AGPAT4: variants seen among roughly 807,000 people sequenced by gnomAD.
The protein encoded by AGPAT4 is 1-acyl-sn-glycerol-3-phosphate acyltransferase delta.
A neutral mutation model predicts 48.0 loss-of-function variants in AGPAT4; 15 were observed. That is an observed-to-expected ratio of 0.31 (90% CI 0.21 to 0.48). The LOEUF is 0.48. Among genes scored for constraint, AGPAT4 ranks in the 20% least tolerant of loss-of-function variants. AGPAT4 has a pLI of 0.99. For missense variants in AGPAT4, 314 were observed against 482.5 expected (o/e 0.65, Z 3.27); for synonymous variants, 178 against 198.7 (o/e 0.90, Z 0.88).
chr6:161,267,539 C>T lies in AGPAT4; in HGVS notation c.-90+6399G>A, dbSNP rs887827198. ...GACCAGCCTGGCCAACATGGGGAAA[C>T]CCTGTCTCTACTAAAAATACACACG... On this transcript the variant is annotated intron_variant, in intron 1 of 8. Coordinates refer to ENST00000320285, the MANE Select transcript of AGPAT4 (RefSeq NM_020133.3). The surrounding 1 kb of genome is among the most constrained non-coding windows in gnomAD (Gnocchi z 5.2). 3.9e-5 allele frequency among the ~76,000 whole-genome samples: 6 copies of T among 152,020 alleles called. No homozygotes were observed. The highest frequency in any genetic ancestry group is 7.4e-5 in the Non-Finnish European group (5 of 68,008).
chr6:161,166,201 G>T lies in AGPAT4; in HGVS notation c.348+47C>A. Reference sequence around the variant, plus strand: ...GAGCAAAAAGACAAGTGGTGGGGCTGAACCAGAGAAATGTGTGAGGCAGGG... The same window carrying T: ...GAGCAAAAAGACAAGTGGTGGGGCTTAACCAGAGAAATGTGTGAGGCAGGG... On this transcript the variant is annotated intron_variant, in intron 3 of 8. Transcript: ENST00000320285. The surrounding 1 kb of genome is among the most constrained non-coding windows in gnomAD (Gnocchi z 6.7). 1 of 1,597,550 alleles carries T rather than the reference G, an allele frequency of 6.3e-7. No homozygotes were observed. Among genetic ancestry groups the T allele is most frequent in the Non-Finnish European group, 8.5e-7 (1 of 1,170,276 alleles).
At chr6:161,191,825 C>T (rs1275422324) in intron 2 of AGPAT4, among the ~76,000 whole-genome samples, 1 of 152,200 alleles carries the variant, frequency 6.6e-6, no homozygotes, top group African/African-American at 2.4e-5. Flanking sequence ...CAAAACTAAA[C>T]TGCAAGGAGG....
rs1780246262 is a variant in AGPAT4, at chr6:161,170,709, C to A, written c.179-4292G>T. Among the ~76,000 whole-genome samples, 3 of 152,212 alleles carry A rather than the reference C, an allele frequency of 2.0e-5. No homozygotes were observed. In the South Asian group the frequency reaches 6.2e-4, roughly 31 times the overall value. On this transcript the variant is annotated intron_variant, in intron 2 of 8. Coordinates refer to ENST00000320285, the MANE Select transcript of AGPAT4 (RefSeq NM_020133.3). ...CAGCTGCACAGCCAGCTCCACCTGG[C>A]AGCCCCTTCTTGTGCTGAAGAGCCC... is the stretch of plus-strand genomic sequence containing the variant.
rs747944493 is a variant in AGPAT4, at chr6:161,143,458, A to G, written c.843+3066T>C. Among the ~76,000 whole-genome samples, 3 of 152,226 alleles carry G rather than the reference A, an allele frequency of 2.0e-5. No homozygotes were observed. Among genetic ancestry groups the G allele is most frequent in the Non-Finnish European group, 4.4e-5 (3 of 68,046 alleles). On this transcript the variant is annotated intron_variant, in intron 7 of 8. Transcript: ENST00000320285. This position sits in a 1 kb window ranked among gnomAD's most constrained non-coding sequence, Gnocchi z 4.7. ...CTGCAAATGTCAAATTACAACCTGA[A>G]GAAGTACTTTAAGTTAGAAATGAAA...
rs762982670 is a variant in AGPAT4 at position 161,216,906 on chromosome 6, C to T, written c.178+15130G>A. 1.3e-5 allele frequency among the ~76,000 whole-genome samples: 2 copies of T among 152,146 alleles called. No homozygotes were observed. The highest frequency in any genetic ancestry group is 2.4e-5 in the African/African-American group (1 of 41,434). ...GGAGATACAATTCAAGTTGAGATTT[C>T]GGTGGGGACACAGCCAAACCTATCA... On this transcript the variant is annotated intron_variant, in intron 2 of 8. Coordinates refer to ENST00000320285, the MANE Select transcript of AGPAT4 (RefSeq NM_020133.3). This position sits in a 1 kb window ranked among gnomAD's most constrained non-coding sequence, Gnocchi z 4.8.
intron 1 of AGPAT4, among the ~76,000 whole-genome samples, chr6:161,252,702 C>G (rs896442673): frequency 6.6e-6 from 1 of 151,974 alleles, no homozygotes; most frequent in Non-Finnish European, 1.5e-5. Context: ...CCCAGTCACT[C>G]AGAAGGCTGA....
rs1440730032 is a variant in AGPAT4 at position 161,236,731 on chromosome 6, C to T, written c.-89-4429G>A. 1.4e-5 allele frequency among the ~76,000 whole-genome samples: 2 copies of T among 145,288 alleles called. No individual in the cohort carries two copies. The highest frequency in any genetic ancestry group is 2.5e-5 in the African/African-American group (1 of 39,622). On this transcript the variant is annotated intron_variant, in intron 1 of 8. Transcript: ENST00000320285. This position sits in a 1 kb window ranked among gnomAD's most constrained non-coding sequence, Gnocchi z 5.0. The stretch of plus-strand genomic sequence containing the variant: ...CCAGCCTGGTGAAACCCCATCTCCA[C>T]TAAAAATACAAAAAAAAAAAAATAG...
Position 161,136,054 on chromosome 6 carries a change from A to G in AGPAT4, c.*486T>C, listed in dbSNP as rs73015415. 40 of 161,616 alleles carry G rather than the reference A, an allele frequency of 2.5e-4. No individual in the cohort carries two copies. Among genetic ancestry groups the G allele is most frequent in the Non-Finnish European group, 3.1e-4 (23 of 74,020 alleles). 10.0% of individuals were successfully genotyped at this position (161,616 alleles called of 1,614,324 possible). On this transcript the variant is annotated 3_prime_UTR_variant, in exon 9 of 9. Coordinates refer to ENST00000320285, the MANE Select transcript of AGPAT4 (RefSeq NM_020133.3). ...GGGCAGGATGGAGGGGCAGCGGTCC[A>G]TGTCAACATACACCACAGATGACCC...
At position 161,136,358 on chromosome 6, in the gene AGPAT4, A is replaced by T; in HGVS notation, c.*182T>A. 1 of 600,082 alleles carries T rather than the reference A, an allele frequency of 1.7e-6. No individual in the cohort carries two copies. The highest frequency in any genetic ancestry group is 2.9e-5 in the Admixed American group (1 of 34,070). 37.2% of individuals were successfully genotyped at this position (600,082 alleles called of 1,614,324 possible). A position where few individuals can be genotyped will look rare whatever the true frequency, so the allele number is the denominator to read the frequency against. On this transcript the variant is annotated 3_prime_UTR_variant, in exon 9 of 9. Coordinates refer to ENST00000320285, the MANE Select transcript of AGPAT4 (RefSeq NM_020133.3). ...CCCACTAAAGCACATGGGGAAAAAA[A>T]GATTACAAAACATCTTCCTCCCCAT...
chr6:161,202,247 G>A lies in AGPAT4; in HGVS notation c.178+29789C>T, dbSNP rs1163292004. Among the ~76,000 whole-genome samples the A allele has an allele frequency of 1.3e-5, 2 of 152,132 alleles. No homozygotes were observed. The highest frequency in any genetic ancestry group is 1.9e-4 in the East Asian group (1 of 5,178). Reference sequence around the variant, plus strand: ...CTGGCTTGGGGTCTCTGGGGATGTCGCAGTCAAGATGTCAGCTGGGGCTTG... The same window carrying A: ...CTGGCTTGGGGTCTCTGGGGATGTCACAGTCAAGATGTCAGCTGGGGCTTG... On this transcript the variant is annotated intron_variant, in intron 2 of 8. Transcript: ENST00000320285. This position sits in a 1 kb window ranked among gnomAD's most constrained non-coding sequence, Gnocchi z 5.4.
At position 161,233,711 on chromosome 6, in the gene AGPAT4, GT is replaced by G. The variant is rs1782191991; in HGVS notation, c.-89-1410del. On this transcript the variant is annotated intron_variant, in intron 1 of 8. Coordinates refer to ENST00000320285, the MANE Select transcript of AGPAT4 (RefSeq NM_020133.3). The surrounding 1 kb of genome is among the most constrained non-coding windows in gnomAD (Gnocchi z 5.4). ...AGGCTAACGTAAATGTGCTGAACAT[GT>G]TTAAGGCAGGCGAGGCTAAACGATG... is the stretch of plus-strand genomic sequence containing the variant. Among the ~76,000 whole-genome samples the G allele has an allele frequency of 6.6e-6, 1 of 152,220 alleles. No individual in the cohort carries two copies. The highest frequency in any genetic ancestry group is 1.5e-5 in the Non-Finnish European group (1 of 68,036).
intron 2 of AGPAT4, among the ~76,000 whole-genome samples, chr6:161,181,122 C>A (rs71565794): frequency 6.6e-6 from 1 of 152,080 alleles, no homozygotes; most frequent in Non-Finnish European, 1.5e-5. Flanking sequence ...ACTACTAGCA[C>A]GGAATAAACA....
chr6:161,192,774 C>T (rs1426073582), intron 2 of AGPAT4, among the ~76,000 whole-genome samples: 1 of 152,096 alleles, frequency 6.6e-6, no homozygotes, highest in East Asian at 1.9e-4. Context: ...GTTATTTTTG[C>T]TAAGTGTAGA....
At chr6:161,176,496 G>T (rs1321460566) in intron 2 of AGPAT4, among the ~76,000 whole-genome samples, 3 of 152,086 alleles carry the variant, frequency 2.0e-5, no homozygotes, top group African/African-American at 7.2e-5. Flanking sequence ...TTGCTTGGTA[G>T]ATCTTCCTCC....
chr6:161,172,257 G>T (rs1780286838), intron 2 of AGPAT4, among the ~76,000 whole-genome samples: 1 of 152,214 alleles, frequency 6.6e-6, no homozygotes, highest in African/African-American at 2.4e-5. Flanking sequence ...GAAGGACATG[G>T]TCAGCGGAGA....
intron 2 of AGPAT4, among the ~76,000 whole-genome samples, chr6:161,205,083 C>T (rs1029210557): frequency 2.6e-5 from 4 of 152,090 alleles, no homozygotes; most frequent in African/African-American, 7.2e-5. Context: ...CTGGAAGGGA[C>T]GTTTGGGAAG....
intron 2 of AGPAT4, among the ~76,000 whole-genome samples, chr6:161,209,646 G>A (rs1469248094): frequency 1.3e-5 from 2 of 152,130 alleles, no homozygotes; most frequent in African/African-American, 4.8e-5. Context: ...CTCCTCGAGG[G>A]TCAGACAGGC....
intron 1 of AGPAT4, among the ~76,000 whole-genome samples, chr6:161,237,900 G>A (rs1287041212): frequency 6.6e-6 from 1 of 152,106 alleles, no homozygotes; most frequent in Non-Finnish European, 1.5e-5. Flanking sequence ...GAGGGAGAAA[G>A]TTTACACTGC....
rs1458399781 is a variant in AGPAT4 at position 161,229,012 on chromosome 6, C to A, written c.178+3024G>T. ...TCGGTGTGTCCTGCTGTTAGCCAAGCTGTCTTTACTGCTTGTTTTGTCTCT... is the reference window on the plus strand; with the variant it reads ...TCGGTGTGTCCTGCTGTTAGCCAAGATGTCTTTACTGCTTGTTTTGTCTCT... On this transcript the variant is annotated intron_variant, in intron 2 of 8. Coordinates refer to ENST00000320285, the MANE Select transcript of AGPAT4 (RefSeq NM_020133.3). This position sits in a 1 kb window ranked among gnomAD's most constrained non-coding sequence, Gnocchi z 6.0. 6.6e-6 allele frequency among the ~76,000 whole-genome samples: 1 copy of A among 151,486 alleles called. No homozygotes were observed. Among genetic ancestry groups the A allele is most frequent in the Non-Finnish European group, 1.5e-5 (1 of 67,892 alleles).
Sources: gnomAD v4.1 joint callset for allele counts (sites outside exome capture counted in the v4.1 genomes callset) on GRCh38, gnomAD v4.1.1 for gene constraint, Gnocchi (gnomAD v3.1) non-coding constraint, MANE v1.5 for transcripts, NCBI Gene and HGNC (gene_info 2026-07-23, HGNC 2026-07-21) for gene names.